Variants in KATNBL1 observed in about 807,000 individuals in gnomAD.
The protein encoded by KATNBL1 is KATNB1-like protein 1.
Under a neutral mutation model 44.7 loss-of-function variants are expected in KATNBL1, and 28 were observed. The observed-to-expected ratio is 0.63, with a 90% CI of 0.46 to 0.86. The LOEUF is 0.86. Among genes scored for constraint, KATNBL1 ranks in the 40% least tolerant of loss-of-function variants. KATNBL1 has a pLI of 0.00. For synonymous variants in KATNBL1, 78 were observed against 114.9 expected (o/e 0.68, Z 2.06); for missense variants, 272 against 350.7 (o/e 0.78, Z 1.79).
chr15:34,185,124 C>T (rs992791640), intron 1 of KATNBL1, among the ~76,000 whole-genome samples: 4 of 152,142 alleles, frequency 2.6e-5, no homozygotes, highest in African/African-American at 9.7e-5. Context: ...TGCCTGCCAC[C>T]ATGCCCAGCT....
intron 9 of KATNBL1, 33 bp downstream of exon 9, chr15:34,145,365 A>G (rs768485696): frequency 2.9e-6 from 4 of 1,359,068 alleles, no homozygotes; most frequent in Admixed American, 2.9e-5. Flanking sequence ...TCTAATTTTT[A>G]ATGTTTAATT....
At chr15:34,163,778 A>G (rs1421918922) in intron 1 of KATNBL1, 88 bp from the exon 2 acceptor site, 15 of 669,410 alleles carry the variant, frequency 2.2e-5, no homozygotes, top group Non-Finnish European at 3.4e-5. Flanking sequence ...CAGTAGCACA[A>G]TGCTATATAA....
intron 9 of KATNBL1, among the ~76,000 whole-genome samples, chr15:34,143,999 G>C (rs1597420986): frequency 7.0e-6 from 1 of 142,122 alleles, no homozygotes; most frequent in Non-Finnish European, 1.5e-5. Flanking sequence ...GAATTCTATA[G>C]AGTAAAATCC....
rs78846022 is a variant in KATNBL1 at position 34,196,902 on chromosome 15, T to C, written c.-15+13049A>G. ...TTTCTAATCTACACCTTATTTGATA[T>C]ACAGTTTTTCAGGCATTTGCCTTTG... On this transcript the variant is annotated intron_variant, in intron 1 of 9. Coordinates refer to ENST00000256544, the MANE Select transcript of KATNBL1 (RefSeq NM_024713.3). Among the ~76,000 whole-genome samples the C allele has an allele frequency of 1.6e-3, 240 of 152,378 alleles. 1 individual carries two copies. The highest frequency in any genetic ancestry group is 6.8e-3 in the South Asian group (33 of 4,832).
rs374057022 is a variant in KATNBL1, at chr15:34,181,870, CAT to C, written c.-14-18182_-14-18181del. ...TATATATAGTCCATATATATATATC[CAT>C]ATATATATATATATATGGATGGGGA... On this transcript the variant is annotated intron_variant, in intron 1 of 9. Transcript: ENST00000256544. 2.3e-4 allele frequency among the ~76,000 whole-genome samples: 17 copies of C among 73,092 alleles called. 3 individuals carry two copies. Among genetic ancestry groups the C allele is most frequent in the Non-Finnish European group, 3.3e-4 (12 of 36,754 alleles). The allele number at this position is 73,092 out of a possible 152,430, so 48.0% of individuals were successfully genotyped here.
intron 1 of KATNBL1, among the ~76,000 whole-genome samples, chr15:34,188,888 CAATT>C (rs1461328023): frequency 6.6e-6 from 1 of 152,146 alleles, no homozygotes; most frequent in Non-Finnish European, 1.5e-5. Flanking sequence ...CAAAGCAAAA[CAATT>C]AATGACAAAA....
intron 1 of KATNBL1, among the ~76,000 whole-genome samples, chr15:34,179,996 T>C (rs1889471747): frequency 1.3e-5 from 2 of 152,240 alleles, no homozygotes; most frequent in South Asian, 4.1e-4. Context: ...ATTTTAACTT[T>C]TCCAAAATTA....
At chr15:34,203,207 C>T (rs1453800389) in intron 1 of KATNBL1, among the ~76,000 whole-genome samples, 1 of 152,102 alleles carries the variant, frequency 6.6e-6, no homozygotes, top group African/African-American at 2.4e-5. Context: ...ATCCTCCTTC[C>T]AATTTCTCAA....
intron 1 of KATNBL1, among the ~76,000 whole-genome samples, chr15:34,195,903 G>A (rs903637558): frequency 3.3e-5 from 5 of 151,992 alleles, no homozygotes; most frequent in Non-Finnish European, 7.4e-5. Flanking sequence ...GTAACTTTGT[G>A]ATTTATGAAC....
chr15:34,154,723 T>C, intron 2 of KATNBL1, 39 bp from the exon 3 acceptor site: 4 of 1,349,582 alleles, frequency 3.0e-6, no homozygotes, highest in Non-Finnish European at 3.2e-6. Flanking sequence ...TAGAAACAAA[T>C]GCTTGGTGCC....
chr15:34,147,258 C>T lies in KATNBL1; in HGVS notation c.640G>A (p.Gly214Ser), dbSNP rs757463531. 1 of 1,612,780 alleles carries T rather than the reference C, an allele frequency of 6.2e-7. No individual in the cohort carries two copies. The highest frequency in any genetic ancestry group is 1.1e-5 in the South Asian group (1 of 91,012). The change falls in exon 7 of 10, where the codon GGC becomes AGC. Residue 214 changes from glycine to serine, a missense_variant. Transcript: ENST00000256544. ...AGAGGCAACAAGTCAACACAGCAGC[C>T]AAGTGAGATATATTGTTTTTCTTCC... The part of the protein sequence containing the change: ...LQEEKQYISL[G>S]CCVDLLPLVK...
At chr15:34,154,006 A>G (rs1156829410) in intron 3 of KATNBL1, among the ~76,000 whole-genome samples, 3 of 152,246 alleles carry the variant, frequency 2.0e-5, no homozygotes, top group African/African-American at 7.2e-5. Flanking sequence ...ATTTTCTAAA[A>G]TAATTTTTTA....
intron 1 of KATNBL1, among the ~76,000 whole-genome samples, chr15:34,201,996 G>T (rs1367890231): frequency 6.6e-6 from 1 of 152,182 alleles, no homozygotes; most frequent in African/African-American, 2.4e-5. Flanking sequence ...GATGTGCAAA[G>T]GTTATGTGGA....
intron 1 of KATNBL1, among the ~76,000 whole-genome samples, chr15:34,192,989 G>C (rs902870356): frequency 1.3e-5 from 2 of 148,164 alleles, no homozygotes; most frequent in Non-Finnish European, 3.0e-5. Context: ...AGGCAGAGGC[G>C]GGCGGATCAT....
At chr15:34,171,284 C>T (rs1449595136) in intron 1 of KATNBL1, among the ~76,000 whole-genome samples, 1 of 152,142 alleles carries the variant, frequency 6.6e-6, no homozygotes, top group Non-Finnish European at 1.5e-5. Context: ...AGGATATGAA[C>T]AGACACATCT....
At chr15:34,186,201 C>G (rs1034576246) in intron 1 of KATNBL1, among the ~76,000 whole-genome samples, 1 of 152,188 alleles carries the variant, frequency 6.6e-6, no homozygotes, top group African/African-American at 2.4e-5. Flanking sequence ...AGTGACCACA[C>G]TGATGACAGT....
intron 2 of KATNBL1, 178 bp from the exon 3 acceptor site, chr15:34,154,862 C>T (rs1888591166): frequency 1.7e-6 from 1 of 592,962 alleles, no homozygotes; most frequent in African/African-American, 1.9e-5. Flanking sequence ...GGGTTCTTAT[C>T]CCTAATGCAG....
chr15:34,153,063 A>G lies in KATNBL1; in HGVS notation c.165T>C (p.Val55=). 6.3e-7 allele frequency: 1 copy of G among 1,598,518 alleles called. No homozygotes were observed. The highest frequency in any genetic ancestry group is 8.5e-7 in the Non-Finnish European group (1 of 1,173,140). Residue 55 remains valine (V), a synonymous_variant, in exon 4 of 10, where the codon GTT becomes GTC. Transcript: ENST00000256544. ...TATCTGGGCTTTTCACAGTTTGTCC[A>G]ACTGTTCTGTAAAAAGAATTTATTT... The part of the protein sequence containing the change: ...KQLAAYINRT[V]GQTVKSPDKL...
chr15:34,188,967 A>C (rs4587944), intron 1 of KATNBL1, among the ~76,000 whole-genome samples: 137,482 of 152,338 alleles, frequency 0.9, 62,129 homozygotes, highest in East Asian at 0.99. Flanking sequence ...AAATGTAACA[A>C]AGACGTCATT....
Sources: gnomAD v4.1 joint callset for allele counts (sites outside exome capture counted in the v4.1 genomes callset) on GRCh38, gnomAD v4.1.1 for gene constraint, MANE v1.5 for transcripts, NCBI Gene and HGNC (gene_info 2026-07-23, HGNC 2026-07-21) for gene names.